Variants in SUCLA2 observed in about 807,000 individuals in gnomAD.
SUCLA2 encodes the protein succinate--CoA ligase [ADP-forming] subunit beta, mitochondrial.
SUCLA2 carries 30 observed loss-of-function variants against 54.8 expected under a neutral mutation model. That is an observed-to-expected ratio of 0.55 (90% confidence interval 0.41 to 0.74). SUCLA2 has a LOEUF of 0.74. SUCLA2 is among the 30% of genes least tolerant of loss of function. The probability of loss-of-function intolerance (pLI) is 0.00; values close to 1 mark genes in which losing one functional copy is unlikely to be tolerated. For synonymous variants in SUCLA2, 172 were observed against 188.9 expected (o/e 0.91, Z 0.74); for missense variants, 476 against 562.9 (o/e 0.85, Z 1.56).
intron 10 of SUCLA2, among the ~76,000 whole-genome samples, chr13:47,944,855 G>T (rs761145440): frequency 6.6e-6 from 1 of 152,132 alleles, no homozygotes; most frequent in South Asian, 2.1e-4. Context: ...AAGCCTGGGG[G>T]CTCATGCTTG....
chr13:47,990,220 T>C (rs531457782), intron 2 of SUCLA2, among the ~76,000 whole-genome samples: 4 of 152,256 alleles, frequency 2.6e-5, no homozygotes, highest in African/African-American at 9.6e-5. Flanking sequence ...TGGTGGTACA[T>C]GTCTGTAATC....
intron 2 of SUCLA2, among the ~76,000 whole-genome samples, chr13:47,990,374 A>G (rs982143852): frequency 1.4e-4 from 21 of 152,126 alleles, no homozygotes; most frequent in African/African-American, 4.6e-4. Flanking sequence ...GGTGATGGGT[A>G]TCCTAAATGC....
chr13:47,979,367 T>C (rs1188708878), intron 4 of SUCLA2, among the ~76,000 whole-genome samples: 1 of 152,036 alleles, frequency 6.6e-6, no homozygotes, highest in Non-Finnish European at 1.5e-5. Context: ...AAACCATCAT[T>C]CTCAGCAAGC....
At chr13:47,992,916 T>C (rs907300684) in intron 2 of SUCLA2, among the ~76,000 whole-genome samples, 2 of 152,164 alleles carry the variant, frequency 1.3e-5, no homozygotes, top group East Asian at 3.8e-4. Context: ...CTATAGTCAA[T>C]AGGGAAATTA....
At chr13:47,976,263 T>A (rs1290344877) in intron 4 of SUCLA2, among the ~76,000 whole-genome samples, 1 of 152,100 alleles carries the variant, frequency 6.6e-6, no homozygotes, top group Non-Finnish European at 1.5e-5. Flanking sequence ...ACAATGACAG[T>A]AACCAATTAG....
chr13:47,967,290 C>T (rs538872308), intron 6 of SUCLA2, among the ~76,000 whole-genome samples: 1 of 151,462 alleles, frequency 6.6e-6, no homozygotes, highest in African/African-American at 2.4e-5. Context: ...TACTAGAAAG[C>T]TTAAAAAAAG....
intron 6 of SUCLA2, 26 bp downstream of exon 6, chr13:47,968,569 A>G (rs769037745): frequency 6.2e-7 from 1 of 1,610,706 alleles, no homozygotes; most frequent in Non-Finnish European, 8.5e-7. Context: ...ATGCATAATC[A>G]TGTTAGACAA....
intron 10 of SUCLA2, among the ~76,000 whole-genome samples, chr13:47,948,380 C>T (rs765125612): frequency 6.2e-5 from 9 of 145,570 alleles, no homozygotes; most frequent in Non-Finnish European, 1.2e-4. Flanking sequence ...TGTGTGCGTG[C>T]ATGTGTGTGT....
At chr13:47,948,432 C>G (rs1422835876) in intron 10 of SUCLA2, among the ~76,000 whole-genome samples, 1 of 152,068 alleles carries the variant, frequency 6.6e-6, no homozygotes, top group Non-Finnish European at 1.5e-5. Context: ...GTTGCCCAGG[C>G]TAGTCTCAAA....
chr13:47,987,921 T>C (rs1950115936), intron 4 of SUCLA2: 1 of 152,006 alleles, frequency 6.6e-6, no homozygotes, highest in Non-Finnish European at 1.5e-5. Flanking sequence ...TTATCAATGC[T>C]CTCTTCCAAA....
intron 4 of SUCLA2, among the ~76,000 whole-genome samples, chr13:47,984,748 C>A (rs1950087703): frequency 6.6e-6 from 1 of 151,530 alleles, no homozygotes; most frequent in Non-Finnish European, 1.5e-5. Flanking sequence ...TGCACTCCAG[C>A]CTGGGCGACA....
intron 4 of SUCLA2, among the ~76,000 whole-genome samples, chr13:47,974,806 A>G (rs955553838): frequency 4.6e-5 from 7 of 152,206 alleles, no homozygotes; most frequent in Non-Finnish European, 1.0e-4. Context: ...AAAAAAGAGA[A>G]ATAGTAAAAC....
intron 6 of SUCLA2, among the ~76,000 whole-genome samples, chr13:47,959,903 G>C (rs1189083633): frequency 6.6e-6 from 1 of 152,092 alleles, no homozygotes; most frequent in East Asian, 1.9e-4. Flanking sequence ...TCACATACAT[G>C]CTTACATTGC....
intron 10 of SUCLA2, chr13:47,945,749 C>CA (rs1451016719): frequency 1.3e-5 from 2 of 151,528 alleles, no homozygotes; most frequent in Non-Finnish European, 2.9e-5. Context: ...AACTGTGGTC[C>CA]AAAAATTTTA....
intron 8 of SUCLA2, among the ~76,000 whole-genome samples, chr13:47,950,795 G>A (rs55683260): frequency 0.01 from 1,591 of 152,216 alleles, 18 homozygotes; most frequent in Non-Finnish European, 0.016. Flanking sequence ...GGCAGCAGGA[G>A]CCTCAGGGCC....
chr13:47,966,841 C>A (rs369700046), intron 6 of SUCLA2, among the ~76,000 whole-genome samples: 171 of 151,818 alleles, frequency 1.1e-3, no homozygotes, highest in Middle Eastern at 6.8e-3. Context: ...ATTGAGGGCC[C>A]GTCTCTACAA....
chr13:47,972,528 G>C (rs1192803257), intron 5 of SUCLA2, among the ~76,000 whole-genome samples: 1 of 151,522 alleles, frequency 6.6e-6, no homozygotes, highest in Admixed American at 6.6e-5. Context: ...AATTAGCCAG[G>C]TGTGTTGGCA....
At chr13:47,994,780 T>C in intron 2 of SUCLA2, 1 of 976,010 alleles carries the variant, frequency 1.0e-6, no homozygotes. Context: ...TCCAAGGGGC[T>C]CAAAATCAGA....
intron 6 of SUCLA2, among the ~76,000 whole-genome samples, chr13:47,960,734 C>T (rs1949864127): frequency 6.6e-6 from 1 of 151,940 alleles, no homozygotes; most frequent in Admixed American, 6.6e-5. Flanking sequence ...TTTCTAGTGA[C>T]TTTTGATCCC....
Sources: allele counts gnomAD v4.1 joint callset (sites outside exome capture counted in the v4.1 genomes callset), GRCh38; gene constraint gnomAD v4.1.1; transcripts MANE v1.5; gene names NCBI Gene and HGNC (gene_info 2026-07-23, HGNC 2026-07-21).